The following RAD54L2 variants were observed in gnomAD, a reference collection of about 807,000 sequenced individuals.
RAD54L2 encodes the protein helicase ARIP4.
Under a neutral mutation model 138.4 loss-of-function variants are expected in RAD54L2, and 27 were observed. That is an observed-to-expected ratio of 0.20 (90% CI 0.14 to 0.27). The LOEUF (loss-of-function observed/expected upper bound fraction) is 0.27, where lower values mean the gene tolerates loss of function less well. Ranked by LOEUF, RAD54L2 falls within the 10% of genes least tolerant of loss-of-function variation. The pLI, the probability that RAD54L2 is intolerant of heterozygous loss-of-function variation, is 1.00. For missense variants in RAD54L2, 1,396 were observed against 1,890.2 expected (o/e 0.74, Z 4.85); for synonymous variants, 644 against 723.2 (o/e 0.89, Z 1.76).
intron 2 of RAD54L2, among the ~76,000 whole-genome samples, chr3:51,568,006 T>C (rs1194619883): frequency 6.6e-6 from 1 of 151,834 alleles, no homozygotes; most frequent in Admixed American, 6.6e-5. Context: ...GGTGAAGTTA[T>C]GCTGACACGT....
chr3:51,570,574 A>G (rs1481559271), intron 2 of RAD54L2, among the ~76,000 whole-genome samples: 4 of 151,820 alleles, frequency 2.6e-5, no homozygotes, highest in Non-Finnish European at 4.4e-5. Flanking sequence ...CTCCTGCCTC[A>G]GCCTCCCGAG....
chr3:51,566,240 C>T (rs1699213427), intron 2 of RAD54L2, among the ~76,000 whole-genome samples: 2 of 151,834 alleles, frequency 1.3e-5, no homozygotes, highest in Admixed American at 6.6e-5. Flanking sequence ...GCCTTTTTTT[C>T]GTCTTACTTA....
In RAD54L2 at chr3:51,627,539, C is replaced by G. The variant is rs1247982480; in HGVS notation, c.140-14C>G. 2 of 1,549,612 alleles carry G rather than the reference C, an allele frequency of 1.3e-6. No homozygotes were observed. The highest frequency in any genetic ancestry group is 2.2e-4 in the Middle Eastern group (1 of 4,618). The stretch of plus-strand genomic sequence containing the variant: ...CACCCCTATAAAGCAATGTCTTTCC[C>G]CTTGTTTTTTCAGACCCATCCCTGG... On this transcript the variant is annotated splice_polypyrimidine_tract_variant and intron_variant, in intron 3 of 22. Transcript: ENST00000684192.
intron 2 of RAD54L2, among the ~76,000 whole-genome samples, chr3:51,556,930 A>G (rs1468227711): frequency 6.6e-6 from 1 of 151,982 alleles, no homozygotes; most frequent in Non-Finnish European, 1.5e-5. Context: ...CCTCCTGAGC[A>G]ATATCTCTGA....
At chr3:51,547,548 T>C (rs1362154582) in intron 2 of RAD54L2, among the ~76,000 whole-genome samples, 1 of 152,022 alleles carries the variant, frequency 6.6e-6, no homozygotes, top group Non-Finnish European at 1.5e-5. Context: ...ACTTTGCGTA[T>C]GTATGATGTT....
chr3:51,554,183 A>G (rs528664614), intron 2 of RAD54L2, among the ~76,000 whole-genome samples: 19 of 152,254 alleles, frequency 1.2e-4, no homozygotes, highest in African/African-American at 4.6e-4. Context: ...CCTGACCAAC[A>G]TGGTGAAACT....
At chr3:51,661,268 CTTTGT>C (rs1353102360) in intron 22 of RAD54L2, among the ~76,000 whole-genome samples, 1 of 152,178 alleles carries the variant, frequency 6.6e-6, no homozygotes, top group Non-Finnish European at 1.5e-5. Flanking sequence ...AGCCAATTTT[CTTTGT>C]TTTTTTAAAA....
At chr3:51,572,522 G>T (rs916281417) in intron 2 of RAD54L2, among the ~76,000 whole-genome samples, 4 of 151,444 alleles carry the variant, frequency 2.6e-5, no homozygotes, top group African/African-American at 9.7e-5. Flanking sequence ...GGAGGCTGAG[G>T]CACATGAATT....
Position 51,630,923 on chromosome 3 carries a change from C to G in RAD54L2, c.817C>G (p.Pro273Ala). The G allele has an allele frequency of 6.2e-7, 1 of 1,610,022 alleles. No homozygotes were observed. Among genetic ancestry groups the G allele is most frequent in the Non-Finnish European group, 8.5e-7 (1 of 1,176,884 alleles). Residue 273 changes from proline to alanine, a missense_variant, in exon 7 of 23, where the codon CCT becomes GCT. Around this residue, in one of 7 missense-constraint regions of RAD54L2, gnomAD observed 256 missense variants for 344.6 expected, o/e 0.74. Coordinates refer to ENST00000684192, the MANE Select transcript of RAD54L2 (RefSeq NM_015106.4). ...CCCACAGTTGGCACGGGCTGTGAAA[C>G]CTCATCAGGTACAGCAAACCTTGAC... ...LAPQLARAVKPHQIGGIRFLY... is the reference protein window; with the variant it reads ...LAPQLARAVKAHQIGGIRFLY...
chr3:51,541,422 A>G (rs1553671294), intron 1 of RAD54L2, 167 bp from the exon 2 acceptor site: 1 of 152,216 alleles, frequency 6.6e-6, no homozygotes, highest in Non-Finnish European at 1.5e-5. Flanking sequence ...ACTCCTGTAG[A>G]CAAACCACAG....
intron 3 of RAD54L2, among the ~76,000 whole-genome samples, chr3:51,608,704 CA>C (rs1700260988): frequency 6.6e-6 from 1 of 152,286 alleles, no homozygotes; most frequent in East Asian, 1.9e-4. Flanking sequence ...CGCACGCCTG[CA>C]ATCCCAGGCA....
rs139081455 is a variant in RAD54L2, at chr3:51,583,274, C to T, written c.-54-7093C>T. 1.1e-4 allele frequency among the ~76,000 whole-genome samples: 16 copies of T among 152,212 alleles called. No individual in the cohort carries two copies. In the East Asian group the frequency reaches 3.1e-3, roughly 29 times the overall value. On this transcript the variant is annotated intron_variant, in intron 2 of 22. Coordinates refer to ENST00000684192, the MANE Select transcript of RAD54L2 (RefSeq NM_015106.4). ...TTGTGACTTATTGTTTTGATGTTGA[C>T]TTAACTGTATTGTTGAAGCACATGA...
rs758483655 is a variant in RAD54L2 at position 51,639,690 on chromosome 3, C to A, written c.2112+20C>A. ...GAATGGGTGAGTCAAGCAGATCCTTCAGGAACCATAAACTATTGCTGAGAA... is the reference window on the plus strand; with the variant it reads ...GAATGGGTGAGTCAAGCAGATCCTTAAGGAACCATAAACTATTGCTGAGAA... On this transcript the variant is annotated intron_variant, in intron 13 of 22. Coordinates refer to ENST00000684192, the MANE Select transcript of RAD54L2 (RefSeq NM_015106.4). 1 of 1,611,984 alleles carries A rather than the reference C, an allele frequency of 6.2e-7. No individual in the cohort carries two copies. The highest frequency in any genetic ancestry group is 1.3e-5 in the African/African-American group (1 of 75,018).
chr3:51,655,925 A>C, intron 19 of RAD54L2, 46 bp from the exon 20 acceptor site: 1 of 1,512,352 alleles, frequency 6.6e-7, no homozygotes, highest in Non-Finnish European at 9.0e-7. Context: ...AAAAGGTAAC[A>C]GTTGTTCTGC....
chr3:51,657,018 T>C (rs1237293706), intron 20 of RAD54L2, among the ~76,000 whole-genome samples: 1 of 152,182 alleles, frequency 6.6e-6, no homozygotes, highest in East Asian at 1.9e-4. Flanking sequence ...ATTACAGGTG[T>C]GAGCCATTGC....
Position 51,640,018 on chromosome 3 carries a change from A to T in RAD54L2, c.2231+19A>T. On this transcript the variant is annotated intron_variant, in intron 14 of 22. Coordinates refer to ENST00000684192, the MANE Select transcript of RAD54L2 (RefSeq NM_015106.4). ...TGTTTAGGTAGGATGAGAAACTTCCATTTGAGGCTGTGTGTCTATGGTAAA... is the reference window on the plus strand; with the variant it reads ...TGTTTAGGTAGGATGAGAAACTTCCTTTTGAGGCTGTGTGTCTATGGTAAA... 1 of 1,536,384 alleles carries T rather than the reference A, an allele frequency of 6.5e-7. No individual in the cohort carries two copies.
intron 2 of RAD54L2, among the ~76,000 whole-genome samples, chr3:51,579,978 A>G (rs1699570117): frequency 6.6e-6 from 1 of 152,096 alleles, no homozygotes; most frequent in Non-Finnish European, 1.5e-5. Flanking sequence ...TGTTTCCAAC[A>G]CTAACAATCA....
At position 51,639,531 on chromosome 3, in the gene RAD54L2, C is replaced by T. The variant is rs1431141778; in HGVS notation, c.1973C>T (p.Pro658Leu). The change falls in exon 13 of 23, where the codon CCA becomes CTA. Residue 658 changes from proline (P) to leucine (L), a missense_variant. Coordinates refer to ENST00000684192, the MANE Select transcript of RAD54L2 (RefSeq NM_015106.4). The part of the protein sequence containing the change: ...LGSAGTSARC[P>L]PQGTKGKGED... Reference sequence around the variant, plus strand: ...TCTGCAGGGACCAGTGCCCGCTGTCCACCACAGGGAACAAAAGGCAAGGGA... The same window carrying T: ...TCTGCAGGGACCAGTGCCCGCTGTCTACCACAGGGAACAAAAGGCAAGGGA... The T allele has an allele frequency of 3.7e-6, 6 of 1,613,868 alleles. No homozygotes were observed. The African/African-American group carries it at 8.0e-5, about 22-fold the overall frequency.
chr3:51,607,261 G>A lies in RAD54L2; in HGVS notation c.139+16702G>A, dbSNP rs922629359. On this transcript the variant is annotated intron_variant, in intron 3 of 22. Coordinates refer to ENST00000684192, the MANE Select transcript of RAD54L2 (RefSeq NM_015106.4). Reference sequence around the variant, plus strand: ...TAGGCAGAGGGCCCTGCCGCCTTCCGCAGTGTTTGTGTCCCTGGGTACTTG... The same window carrying A: ...TAGGCAGAGGGCCCTGCCGCCTTCCACAGTGTTTGTGTCCCTGGGTACTTG... Among the ~76,000 whole-genome samples the A allele has an allele frequency of 4.6e-5, 7 of 151,516 alleles. No individual in the cohort carries two copies. The South Asian group carries it at 8.4e-4, about 18-fold the overall frequency.
Sources: allele counts gnomAD v4.1 joint callset (sites outside exome capture counted in the v4.1 genomes callset), GRCh38; gene constraint gnomAD v4.1.1; regional missense constraint gnomAD v4.1.1; transcripts MANE v1.5; gene names NCBI Gene and HGNC (gene_info 2026-07-23, HGNC 2026-07-21).